The following CA1 variants were observed in gnomAD, a reference collection of about 807,000 sequenced individuals.
CA1 encodes the protein carbonic anhydrase 1.
CA1 carries 27 observed loss-of-function variants against 28.8 expected under a neutral mutation model. The ratio of observed to expected loss-of-function variants is 0.94; its 90% CI spans 0.69 to 1.29. CA1 has a LOEUF of 1.29. CA1 is among the 50% of genes most tolerant of loss of function. The pLI is 0.00. For synonymous variants in CA1, 121 were observed against 108.8 expected (o/e 1.11, Z -0.70); for missense variants, 335 against 310.5 (o/e 1.08, Z -0.59).
At chr8:85,353,238 G>A (rs1809477981) in intron 1 of CA1, among the ~76,000 whole-genome samples, 2 of 152,224 alleles carry the variant, frequency 1.3e-5, no homozygotes, top group African/African-American at 2.4e-5. Flanking sequence ...GGTAGCATTT[G>A]CATCTTGAGT....
rs572507040 is a variant in CA1 at position 85,327,669 on chromosome 8, C to T, written c.*891G>A. The T allele has an allele frequency of 6.6e-6, 1 of 152,010 alleles. No individual in the cohort carries two copies. The highest frequency in any genetic ancestry group is 2.1e-4 in the South Asian group (1 of 4,808). The allele number at this position is 152,010 out of a possible 1,614,324, so 9.4% of individuals were successfully genotyped here. On this transcript the variant is annotated 3_prime_UTR_variant, in exon 8 of 8. Coordinates refer to ENST00000523022, the MANE Select transcript of CA1 (RefSeq NM_001128831.4). ...TTGTCTCAAAAAACAAACAAACAAA[C>T]AGAAAACACCACACTATACTCCATA...
intron 1 of CA1, among the ~76,000 whole-genome samples, chr8:85,344,235 A>T (rs1321779745): frequency 9.9e-6 from 1 of 100,932 alleles, no homozygotes; most frequent in African/African-American, 4.9e-5. Context: ...TACAGTATAT[A>T]ATATATAATT....
Position 85,336,970 on chromosome 8 carries a change from A to AC in CA1, c.328dup (p.Val110GlyfsTer25). 1 of 1,607,454 alleles carries AC rather than the reference A, an allele frequency of 6.2e-7. No homozygotes were observed. Among genetic ancestry groups the AC allele is most frequent in the Non-Finnish European group, 8.5e-7 (1 of 1,174,076 alleles). ...CTCGGCAGAATATTTGACTCCATCC[A>AC]CTGTATGTTCTGAACCATGCTCATT... On this transcript the variant is annotated frameshift_variant, in exon 4 of 8. Coordinates refer to ENST00000523022, the MANE Select transcript of CA1 (RefSeq NM_001128831.4). LOFTEE classifies it high-confidence loss of function.
chr8:85,327,709 T>C lies in CA1; in HGVS notation c.*851A>G, dbSNP rs1292045371. 1 of 152,138 alleles carries C rather than the reference T, an allele frequency of 6.6e-6. No individual in the cohort carries two copies. Among genetic ancestry groups the C allele is most frequent in the Non-Finnish European group, 1.5e-5 (1 of 68,026 alleles). The allele number at this position is 152,138 out of a possible 1,614,324, so 9.4% of individuals were successfully genotyped here. A position where few individuals can be genotyped will look rare whatever the true frequency, so the allele number is the denominator to read the frequency against. On this transcript the variant is annotated 3_prime_UTR_variant, in exon 8 of 8. Transcript: ENST00000523022. ...TATACTCCATAAACATGTACAATTA[T>C]TGTGTGTCAATTAAAGATAAAAATA...
Position 85,365,663 on chromosome 8 carries a change from C to A in CA1, c.-25+12383G>T, listed in dbSNP as rs1809976838. 1.3e-5 allele frequency among the ~76,000 whole-genome samples: 2 copies of A among 152,176 alleles called. 1 individual carries two copies. The highest frequency in any genetic ancestry group is 4.1e-4 in the South Asian group (2 of 4,826). On this transcript the variant is annotated intron_variant, in intron 1 of 7. Coordinates refer to ENST00000523022, the MANE Select transcript of CA1 (RefSeq NM_001128831.4). ...TTCCTTTTAAATCTTATTTTAAAAT[C>A]ATCTTCTCTTCACCTTCAATATAGC...
chr8:85,336,610 A>G (rs977873314), intron 4 of CA1, among the ~76,000 whole-genome samples: 5 of 152,124 alleles, frequency 3.3e-5, no homozygotes, highest in African/African-American at 4.8e-5. Flanking sequence ...AATAAAGAGG[A>G]AATGATGGTG....
At chr8:85,345,893 A>G (rs531856586) in intron 1 of CA1, among the ~76,000 whole-genome samples, 15 of 152,326 alleles carry the variant, frequency 9.8e-5, no homozygotes, top group African/African-American at 3.4e-4. Context: ...TGTAAGTGTC[A>G]AAATCTAACT....
chr8:85,373,168 AGTT>A (rs1196485586), intron 1 of CA1, among the ~76,000 whole-genome samples: 1 of 152,230 alleles, frequency 6.6e-6, no homozygotes, highest in Non-Finnish European at 1.5e-5. Flanking sequence ...AAACTGTAAA[AGTT>A]ACAGCTACAG....
intron 1 of CA1, chr8:85,341,885 G>C (rs2130224212): frequency 2.5e-6 from 1 of 403,604 alleles, no homozygotes; most frequent in Non-Finnish European, 4.4e-6. Context: ...TATTGTAAAA[G>C]AGAATTATCA....
At position 85,332,529 on chromosome 8, in the gene CA1, C is replaced by T. The variant is rs1378912862; in HGVS notation, c.474G>A (p.Leu158=). The T allele has an allele frequency of 3.7e-6, 6 of 1,613,154 alleles. No homozygotes were observed. The highest frequency in any genetic ancestry group is 5.1e-6 in the Non-Finnish European group (6 of 1,179,366). Residue 158 remains leucine (L), a synonymous_variant, in exon 6 of 8, where the codon CTG becomes CTA. Transcript: ENST00000523022. The part of the protein sequence containing the change: ...LMKVGEANPK[L]QKVLDALQAI... ...CTTGGAGGGCATCAAGTACTTTCTG[C>T]AGCTTTGGGTTGGCCTCACCAACCT...
At chr8:85,339,606 A>T (rs1024198702) in intron 2 of CA1, among the ~76,000 whole-genome samples, 2 of 152,210 alleles carry the variant, frequency 1.3e-5, no homozygotes, top group African/African-American at 4.8e-5. Context: ...AAAAGCTAGA[A>T]ATGATTAAGC....
At chr8:85,364,599 A>G (rs551366179) in intron 1 of CA1, among the ~76,000 whole-genome samples, 1 of 152,364 alleles carries the variant, frequency 6.6e-6, no homozygotes, top group South Asian at 2.1e-4. Flanking sequence ...GAGCACATCC[A>G]AAATAAAAAC....
chr8:85,332,807 A>G (rs1355662862), intron 5 of CA1, among the ~76,000 whole-genome samples: 1 of 152,198 alleles, frequency 6.6e-6, no homozygotes, highest in Non-Finnish European at 1.5e-5. Context: ...CAATATGTTC[A>G]AAGTTATACA....
intron 1 of CA1, among the ~76,000 whole-genome samples, chr8:85,365,690 T>A (rs924838424): frequency 1.3e-5 from 2 of 152,222 alleles, no homozygotes; most frequent in Non-Finnish European, 2.9e-5. Context: ...CAATATAGCC[T>A]GGGCTTGTTA....
chr8:85,376,544 C>T (rs1465680549), intron 1 of CA1, among the ~76,000 whole-genome samples: 1 of 151,442 alleles, frequency 6.6e-6, no homozygotes, highest in Non-Finnish European at 1.5e-5. Context: ...TGCCTGTAGT[C>T]CCAGGTACTC....
intron 1 of CA1, among the ~76,000 whole-genome samples, chr8:85,358,519 G>T (rs1809683777): frequency 6.6e-6 from 1 of 152,118 alleles, no homozygotes; most frequent in African/African-American, 2.4e-5. Context: ...TTTGTTGAAT[G>T]ATTAAAAGGA....
chr8:85,346,850 A>T (rs758441891), intron 1 of CA1, among the ~76,000 whole-genome samples: 4 of 152,236 alleles, frequency 2.6e-5, no homozygotes, highest in African/African-American at 7.2e-5. Context: ...TTTAACTCTC[A>T]GGCAAATAGA....
intron 1 of CA1, among the ~76,000 whole-genome samples, chr8:85,376,389 C>T (rs145590347): frequency 0.017 from 2,639 of 151,672 alleles, 41 homozygotes; most frequent in Middle Eastern, 0.027. Context: ...GGGCCGGGCA[C>T]GGTGCCTCAC....
chr8:85,330,410 G>C (rs1234022396), intron 6 of CA1, among the ~76,000 whole-genome samples: 1 of 152,088 alleles, frequency 6.6e-6, no homozygotes, highest in Admixed American at 6.6e-5. Flanking sequence ...TGCACATAAT[G>C]ATAGTTTTGT....
Sources: allele counts gnomAD v4.1 joint callset (sites outside exome capture counted in the v4.1 genomes callset), GRCh38; gene constraint gnomAD v4.1.1; transcripts MANE v1.5; gene names NCBI Gene and HGNC (gene_info 2026-07-23, HGNC 2026-07-21).